The following GPC6 variants were observed in gnomAD, a reference collection of about 807,000 sequenced individuals.
The protein encoded by GPC6 is glypican-6.
In GPC6, 14 loss-of-function variants were observed where a neutral mutation model predicts 55.2. That is an observed-to-expected ratio of 0.25 (90% confidence interval 0.17 to 0.40). GPC6 has a LOEUF of 0.40. Among genes scored for constraint, GPC6 ranks in the 10% least tolerant of loss-of-function variants. The pLI is 1.00. For synonymous variants in GPC6, 278 were observed against 259.6 expected, an observed-to-expected ratio of 1.07 and a Z score of -0.68; for missense variants, 641 against 708.5, an observed-to-expected ratio of 0.90 and a Z score of 1.08.
intron 6 of GPC6, 121 bp downstream of exon 6, chr13:94,306,244 T>C (rs760550231): frequency 2.8e-5 from 26 of 944,294 alleles, no homozygotes; most frequent in Non-Finnish European, 4.3e-5. Flanking sequence ...TATATCTGCC[T>C]CTGTTCTTAA....
At chr13:94,147,771 A>C (rs138782839) in intron 4 of GPC6, among the ~76,000 whole-genome samples, 1 of 152,210 alleles carries the variant, frequency 6.6e-6, no homozygotes, top group African/African-American at 2.4e-5. Context: ...GCCCTTCCAC[A>C]TGTGTTCTAA....
At chr13:93,665,260 A>G (rs1411771723) in intron 2 of GPC6, among the ~76,000 whole-genome samples, 1 of 152,246 alleles carries the variant, frequency 6.6e-6, no homozygotes, top group Non-Finnish European at 1.5e-5. Context: ...AATGATATGC[A>G]GCCATGCAGC....
chr13:94,305,867 G>A (rs1489980717), intron 5 of GPC6, 113 bp from the exon 6 acceptor site: 7 of 947,930 alleles, frequency 7.4e-6, no homozygotes, highest in Admixed American at 3.4e-5. Flanking sequence ...GAGTTTATTG[G>A]AGGTAAAAGT....
intron 3 of GPC6, among the ~76,000 whole-genome samples, chr13:93,940,903 A>G (rs1478353317): frequency 6.6e-6 from 1 of 152,214 alleles, no homozygotes; most frequent in East Asian, 1.9e-4. Context: ...GAATGACTTT[A>G]TATTAATAAT....
chr13:93,859,223 C>T (rs1240505137), intron 3 of GPC6, among the ~76,000 whole-genome samples: 3 of 151,702 alleles, frequency 2.0e-5, no homozygotes, highest in East Asian at 3.9e-4. Flanking sequence ...AATGCACAAA[C>T]ATGTACTTAT....
chr13:93,769,525 C>T (rs1885224706), intron 2 of GPC6, among the ~76,000 whole-genome samples: 1 of 152,074 alleles, frequency 6.6e-6, no homozygotes, highest in South Asian at 2.1e-4. Flanking sequence ...CTTTCCCTTC[C>T]AAACCTCCAA....
At chr13:94,126,087 G>A (rs1464771370) in intron 4 of GPC6, among the ~76,000 whole-genome samples, 1 of 152,086 alleles carries the variant, frequency 6.6e-6, no homozygotes, top group African/African-American at 2.4e-5. Flanking sequence ...CTCAAATAAA[G>A]CAATACCAAC....
intron 1 of GPC6, among the ~76,000 whole-genome samples, chr13:93,285,421 T>C (rs1878077056): frequency 6.6e-6 from 1 of 152,164 alleles, no homozygotes; most frequent in Non-Finnish European, 1.5e-5. Context: ...GAATAGGAAG[T>C]AATTTCGTAA....
chr13:93,456,789 G>T (rs1878469094), intron 1 of GPC6, among the ~76,000 whole-genome samples: 1 of 152,038 alleles, frequency 6.6e-6, no homozygotes, highest in Admixed American at 6.6e-5. Flanking sequence ...GTGGTTTGTG[G>T]GCAATTTCTG....
chr13:93,430,653 T>C (rs758251733), intron 1 of GPC6, among the ~76,000 whole-genome samples: 1 of 152,168 alleles, frequency 6.6e-6, no homozygotes, highest in Non-Finnish European at 1.5e-5. Flanking sequence ...CAGAATTTAC[T>C]TGGCAGAACG....
intron 3 of GPC6, among the ~76,000 whole-genome samples, chr13:93,859,460 T>C (rs1045323005): frequency 1.1e-4 from 16 of 151,646 alleles, no homozygotes; most frequent in African/African-American, 2.9e-4. Flanking sequence ...TTACCTTCAA[T>C]TGGCTTAAAG....
intron 1 of GPC6, among the ~76,000 whole-genome samples, chr13:93,308,430 A>G (rs1268986407): frequency 6.6e-6 from 1 of 152,160 alleles, no homozygotes; most frequent in Non-Finnish European, 1.5e-5. Flanking sequence ...AAATAATTGG[A>G]TCTATAGTCA....
intron 1 of GPC6, among the ~76,000 whole-genome samples, chr13:93,430,361 G>A (rs1370679487): frequency 2.0e-5 from 3 of 152,058 alleles, no homozygotes; most frequent in African/African-American, 7.2e-5. Flanking sequence ...TTTTGAAAGT[G>A]CAAATTGAGA....
Position 93,866,428 on chromosome 13 carries a change from C to G in GPC6, c.711+35883C>G, listed in dbSNP as rs180859049. Among the ~76,000 whole-genome samples, 9 of 151,768 alleles carry G rather than the reference C, an allele frequency of 5.9e-5. No homozygotes were observed. In the East Asian group the frequency reaches 9.8e-4, roughly 16 times the overall value. The stretch of plus-strand genomic sequence containing the variant: ...ATACCCAGTAATGGGCGTATGTTCA[C>G]CACAACGCCGTTCGCAATAGCAAAG... On this transcript the variant is annotated intron_variant, in intron 3 of 8. Coordinates refer to ENST00000377047, the MANE Select transcript of GPC6 (RefSeq NM_005708.5).
chr13:93,248,812 C>T (rs1355035641), intron 1 of GPC6, among the ~76,000 whole-genome samples: 2 of 152,172 alleles, frequency 1.3e-5, no homozygotes, highest in Non-Finnish European at 1.5e-5. Context: ...TTTCACGGCT[C>T]ATGACAGAAG....
At chr13:93,506,922 G>C (rs1314217905) in intron 1 of GPC6, among the ~76,000 whole-genome samples, 1 of 150,314 alleles carries the variant, frequency 6.7e-6, no homozygotes, top group Non-Finnish European at 1.5e-5. Flanking sequence ...TTAGCCGGGC[G>C]TGGCGGCGGG....
intron 2 of GPC6, among the ~76,000 whole-genome samples, chr13:93,697,826 T>C (rs531029019): frequency 1.3e-5 from 2 of 152,278 alleles, no homozygotes; most frequent in Admixed American, 1.3e-4. Flanking sequence ...AGCATCAAGA[T>C]CAACTATCCC....
chr13:93,267,218 C>T (rs565402331), intron 1 of GPC6, among the ~76,000 whole-genome samples: 15 of 152,168 alleles, frequency 9.9e-5, no homozygotes, highest in African/African-American at 3.6e-4. Flanking sequence ...AAGTTTGTTA[C>T]AACCTATTTC....
At chr13:93,324,560 G>GTGTA (rs1239586200) in intron 1 of GPC6, among the ~76,000 whole-genome samples, 67 of 116,454 alleles carry the variant, frequency 5.8e-4, no homozygotes, top group African/African-American at 2.2e-3. Context: ...ATATATATGT[G>GTGTA]TATATATATA....
Sources: gnomAD v4.1 joint callset for allele counts (sites outside exome capture counted in the v4.1 genomes callset) on GRCh38, gnomAD v4.1.1 for gene constraint, MANE v1.5 for transcripts, NCBI Gene and HGNC (gene_info 2026-07-23, HGNC 2026-07-21) for gene names.